Variants in ASXL2 observed in about 807,000 individuals in gnomAD.
The protein encoded by ASXL2 is putative Polycomb group protein ASXL2.
A neutral mutation model predicts 122.0 loss-of-function variants in ASXL2; 23 were observed. The observed-to-expected ratio is 0.19, with a 90% confidence interval of 0.14 to 0.27. ASXL2 has a LOEUF of 0.27. Among genes scored for constraint, ASXL2 ranks in the 10% least tolerant of loss-of-function variants. ASXL2 has a pLI of 1.00. For synonymous variants in ASXL2, 650 were observed against 637.0 expected (o/e 1.02, Z -0.31); for missense variants, 1,518 against 1,713.8 (o/e 0.89, Z 2.02).
intron 3 of ASXL2, among the ~76,000 whole-genome samples, chr2:25,811,649 T>C (rs2089172815): frequency 6.6e-6 from 1 of 152,126 alleles, no homozygotes; most frequent in South Asian, 2.1e-4. Flanking sequence ...AAGATGCCAT[T>C]GGTCAGATGG....
In ASXL2 at chr2:25,738,432, A is replaced by G. The variant is rs1314449208; in HGVS notation, c.*3597T>C. The G allele has an allele frequency of 1.3e-5, 2 of 152,174 alleles. No homozygotes were observed. The highest frequency in any genetic ancestry group is 4.8e-5 in the African/African-American group (2 of 41,440). The allele number at this position is 152,174 out of a possible 1,614,324, so 9.4% of individuals were successfully genotyped here. On this transcript the variant is annotated 3_prime_UTR_variant, in exon 13 of 13. Coordinates refer to ENST00000435504, the MANE Select transcript of ASXL2 (RefSeq NM_018263.6). ...TGGACTATTCTATAAATTGAGCTGA[A>G]AACTACCCTTGGCCAAGTTACTTAC...
chr2:25,825,522 T>C (rs1429312158), intron 3 of ASXL2, among the ~76,000 whole-genome samples: 3 of 152,244 alleles, frequency 2.0e-5, no homozygotes, highest in Non-Finnish European at 4.4e-5. Context: ...GTATCTCATA[T>C]AAGTGGAATC....
intron 5 of ASXL2, among the ~76,000 whole-genome samples, chr2:25,785,759 C>G (rs1445591657): frequency 2.6e-5 from 4 of 151,996 alleles, no homozygotes; most frequent in African/African-American, 9.7e-5. Flanking sequence ...GTTGGCCAGG[C>G]TGAGTCTCAA....
At chr2:25,768,109 G>A (rs2088384622) in intron 7 of ASXL2, among the ~76,000 whole-genome samples, 1 of 152,140 alleles carries the variant, frequency 6.6e-6, no homozygotes, top group African/African-American at 2.4e-5. Context: ...TTACAGACAT[G>A]TCCAAAAGAA....
In ASXL2 at chr2:25,765,311, C is replaced by A. The variant is rs1049583267; in HGVS notation, c.775+2272G>T. Among the ~76,000 whole-genome samples, 19 of 151,982 alleles carry A rather than the reference C, an allele frequency of 1.3e-4. No homozygotes were observed. The East Asian group carries it at 1.7e-3, about 14-fold the overall frequency. ...CCATCCTGGCTAACACAGTGAAACC[C>A]CGTCTCTACTGAAAATACAAAAAAA... is the stretch of plus-strand genomic sequence containing the variant. On this transcript the variant is annotated intron_variant, in intron 8 of 12. Transcript: ENST00000435504.
intron 8 of ASXL2, among the ~76,000 whole-genome samples, chr2:25,761,639 C>T (rs999555218): frequency 2.1e-5 from 3 of 144,962 alleles, no homozygotes; most frequent in Non-Finnish European, 4.5e-5. Flanking sequence ...CACCACTGCA[C>T]TCCAGCCTGG....
intron 1 of ASXL2, among the ~76,000 whole-genome samples, chr2:25,862,397 A>C (rs1331933817): frequency 1.3e-5 from 2 of 152,244 alleles, no homozygotes; most frequent in African/African-American, 4.8e-5. Flanking sequence ...ATGATGGTAC[A>C]TATGATTCCT....
At chr2:25,829,706 T>C (rs1429054822) in intron 3 of ASXL2, among the ~76,000 whole-genome samples, 1 of 152,136 alleles carries the variant, frequency 6.6e-6, no homozygotes. Flanking sequence ...TGGTAGATCT[T>C]AGGAGATTAT....
chr2:25,799,432 T>C lies in ASXL2; in HGVS notation c.356A>G (p.Asp119Gly), dbSNP rs578025365. The C allele has an allele frequency of 1.4e-5, 22 of 1,613,984 alleles. No homozygotes were observed. The South Asian group carries it at 2.3e-4, about 17-fold the overall frequency. The change falls in exon 5 of 13, where the codon GAT becomes GGT. Residue 119 changes from aspartate to glycine, a missense_variant. Transcript: ENST00000435504. ...TTTTCCCTCCTTGTTGCTGCCACCA[T>C]CACTGCTGCTGCTGCTGTTCTCAGA... Reference protein sequence around the residue: ...QSSENSSSSSDGGSNKEGKKS... With the variant: ...QSSENSSSSSGGGSNKEGKKS...
At chr2:25,818,518 G>C (rs1341159353) in intron 3 of ASXL2, among the ~76,000 whole-genome samples, 1 of 152,106 alleles carries the variant, frequency 6.6e-6, no homozygotes, top group Non-Finnish European at 1.5e-5. Flanking sequence ...CTCAAAAAAA[G>C]AGAAACCCAT....
At chr2:25,845,763 A>G (rs2149193394) in intron 1 of ASXL2, among the ~76,000 whole-genome samples, 200 bp from the exon 2 acceptor site, 1 of 152,298 alleles carries the variant, frequency 6.6e-6, no homozygotes, top group South Asian at 2.1e-4. Context: ...CATTAAGATT[A>G]TCCATTTCCT....
intron 1 of ASXL2, among the ~76,000 whole-genome samples, chr2:25,869,491 C>T (rs1003187388): frequency 1.3e-5 from 2 of 152,072 alleles, no homozygotes; most frequent in African/African-American, 4.8e-5. Flanking sequence ...GTCTTACTGG[C>T]ATAGACAGAA....
At chr2:25,780,757 GA>G (rs1004173328) in intron 5 of ASXL2, among the ~76,000 whole-genome samples, 3 of 151,908 alleles carry the variant, frequency 2.0e-5, no homozygotes, top group Non-Finnish European at 4.4e-5. Flanking sequence ...AAGCATCAGA[GA>G]AAAAAAATTC....
In ASXL2 at chr2:25,742,638, A is replaced by T. The variant is rs2149135906; in HGVS notation, c.3699T>A (p.Ala1233=). 2 of 1,613,878 alleles carry T rather than the reference A, an allele frequency of 1.2e-6. No homozygotes were observed. Among genetic ancestry groups the T allele is most frequent in the Non-Finnish European group, 1.7e-6 (2 of 1,179,808 alleles). Residue 1233 remains alanine (A), a synonymous_variant, in exon 13 of 13, where the codon GCT becomes GCA. Coordinates refer to ENST00000435504, the MANE Select transcript of ASXL2 (RefSeq NM_018263.6). ...TGGTTTGCTCATTCAATGGTATCTC[A>T]GCCTTCACATTCTTGCTAGCTAAGC... The part of the protein sequence containing the change: ...SDCLASKNVK[A]EIPLNEQTTL...
chr2:25,838,538 A>G (rs964745907), intron 2 of ASXL2, among the ~76,000 whole-genome samples: 2 of 152,192 alleles, frequency 1.3e-5, no homozygotes, highest in African/African-American at 4.8e-5. Flanking sequence ...GCTGTGTGGG[A>G]GTAGCCATGT....
chr2:25,806,159 C>G, intron 4 of ASXL2, 70 bp downstream of exon 4: 1 of 946,158 alleles, frequency 1.1e-6, no homozygotes, highest in Non-Finnish European at 1.6e-6. Context: ...TCTGTCCCTA[C>G]GAGTCAAATA....
At chr2:25,849,886 C>T (rs750710722) in intron 1 of ASXL2, among the ~76,000 whole-genome samples, 2 of 152,034 alleles carry the variant, frequency 1.3e-5, no homozygotes, top group South Asian at 4.1e-4. Flanking sequence ...TTTTTTCAGA[C>T]TACTTAAAGC....
chr2:25,819,016 G>A (rs1172053919), intron 3 of ASXL2, among the ~76,000 whole-genome samples: 3 of 152,206 alleles, frequency 2.0e-5, no homozygotes, highest in Non-Finnish European at 4.4e-5. Flanking sequence ...ATGTGGCCAT[G>A]TTGGGGAAGG....
chr2:25,860,791 C>G (rs574290549), intron 1 of ASXL2, among the ~76,000 whole-genome samples: 1 of 150,880 alleles, frequency 6.6e-6, no homozygotes, highest in Non-Finnish European at 1.5e-5. Flanking sequence ...GGCTGGTGAT[C>G]ACTTGAGCTC....
Sources: allele counts gnomAD v4.1 joint callset (sites outside exome capture counted in the v4.1 genomes callset), GRCh38; gene constraint gnomAD v4.1.1; transcripts MANE v1.5; gene names NCBI Gene and HGNC (gene_info 2026-07-23, HGNC 2026-07-21).